The following DOCK3 variants were observed in gnomAD, a reference collection of about 807,000 sequenced individuals.
DOCK3 encodes dedicator of cytokinesis protein 3.
In DOCK3, 60 loss-of-function variants were observed where a neutral mutation model predicts 265.6. The ratio of observed to expected loss-of-function variants is 0.23; its 90% CI spans 0.18 to 0.28. The LOEUF (loss-of-function observed/expected upper bound fraction) is 0.28. Among genes scored for constraint, DOCK3 ranks in the 10% least tolerant of loss-of-function variants. The pLI is 1.00. For missense variants in DOCK3, 1,981 were observed against 2,594.3 expected, an observed-to-expected ratio of 0.76 and a Z score of 5.14; for synonymous variants, 881 against 938.0, an observed-to-expected ratio of 0.94 and a Z score of 1.11.
At chr3:50,710,686 A>G (rs1366676250) in intron 1 of DOCK3, among the ~76,000 whole-genome samples, 1 of 152,210 alleles carries the variant, frequency 6.6e-6, no homozygotes, top group Non-Finnish European at 1.5e-5. Flanking sequence ...TATGAAAAAG[A>G]TACTTGCAGA....
At chr3:51,358,213 C>T in intron 46 of DOCK3, 136 bp downstream of exon 46, 1 of 772,564 alleles carries the variant, frequency 1.3e-6, no homozygotes. Context: ...GGCTGTCCTC[C>T]CTACAGAGGG....
chr3:51,322,242 G>A (rs576083795), intron 32 of DOCK3, among the ~76,000 whole-genome samples: 20 of 152,182 alleles, frequency 1.3e-4, no homozygotes, highest in African/African-American at 4.3e-4. Context: ...TTGCTTGGTC[G>A]CCCAGGCTGG....
At chr3:50,924,305 C>T (rs191811572) in intron 4 of DOCK3, among the ~76,000 whole-genome samples, 6 of 152,226 alleles carry the variant, frequency 3.9e-5, no homozygotes, top group Admixed American at 6.5e-5. Flanking sequence ...GAATAATTGT[C>T]GCAATTTGTG....
At chr3:51,275,348 A>G (rs1266259687) in intron 25 of DOCK3, 142 bp downstream of exon 25, 2 of 1,286,852 alleles carry the variant, frequency 1.6e-6, no homozygotes, top group Admixed American at 2.0e-5. Context: ...TGCCCAAGTG[A>G]ATGGAGCCCT....
At chr3:50,864,473 T>C (rs1357963101) in intron 3 of DOCK3, among the ~76,000 whole-genome samples, 1 of 152,212 alleles carries the variant, frequency 6.6e-6, no homozygotes, top group Non-Finnish European at 1.5e-5. Flanking sequence ...TTTTTGCTTT[T>C]GTTGCCTGTG....
chr3:50,963,493 G>A (rs2076945862), intron 5 of DOCK3, among the ~76,000 whole-genome samples: 1 of 152,038 alleles, frequency 6.6e-6, no homozygotes, highest in Non-Finnish European at 1.5e-5. Flanking sequence ...ACCAAATATT[G>A]TTTATCTGAG....
intron 49 of DOCK3, among the ~76,000 whole-genome samples, chr3:51,368,317 G>A (rs139410325): frequency 0.025 from 3,875 of 152,316 alleles, 70 homozygotes; most frequent in Middle Eastern, 0.051. Flanking sequence ...AAGGGAAGCC[G>A]TGACAGATGG....
chr3:50,950,678 G>C (rs553310623), intron 5 of DOCK3, among the ~76,000 whole-genome samples: 10 of 152,170 alleles, frequency 6.6e-5, no homozygotes, highest in African/African-American at 2.2e-4. Flanking sequence ...CAGCCTTCCA[G>C]GGTTTGATAC....
chr3:50,975,351 G>A (rs2077405415), intron 5 of DOCK3, among the ~76,000 whole-genome samples: 1 of 150,906 alleles, frequency 6.6e-6, no homozygotes, highest in African/African-American at 2.4e-5. Context: ...TTAGCATGAA[G>A]GGTTGTTGAA....
At chr3:51,358,163 G>A (rs1410642854) in intron 46 of DOCK3, 86 bp downstream of exon 46, 8 of 1,389,696 alleles carry the variant, frequency 5.8e-6, no homozygotes, top group Admixed American at 1.8e-5. Context: ...AGGAAAATAG[G>A]AGAGAGGGAG....
rs76770398 is a variant in DOCK3 at position 50,822,463 on chromosome 3, T to G, written c.122-19212T>G. Among the ~76,000 whole-genome samples the G allele has an allele frequency of 6.2e-4, 94 of 152,292 alleles. 1 individual carries two copies. The East Asian group carries it at 0.011, about 18-fold the overall frequency. ...CATTGTCACAATGATATTGAGAAAT[T>G]ATACAATAAAGATTTAAGGAGATTT... On this transcript the variant is annotated intron_variant, in intron 2 of 52. Transcript: ENST00000266037.
At chr3:50,931,880 G>A (rs1295743873) in intron 4 of DOCK3, among the ~76,000 whole-genome samples, 2 of 152,210 alleles carry the variant, frequency 1.3e-5, no homozygotes, top group African/African-American at 2.4e-5. Flanking sequence ...TGTGGGAGGA[G>A]TGATGCAGGT....
Position 51,032,144 on chromosome 3 carries a change from G to GTGTGTGTA in DOCK3, c.316-32303_316-32302insGTGTGTAT, listed in dbSNP as rs2080077587. On this transcript the variant is annotated intron_variant, in intron 5 of 52. Coordinates refer to ENST00000266037, the MANE Select transcript of DOCK3 (RefSeq NM_004947.5). ...CGTGTGTGTGTGTGTGTGTGTGTGT[G>GTGTGTGTA]TATAAGTGTGCATGTTAATTCCAAG... Among the ~76,000 whole-genome samples, 7 of 151,910 alleles carry GTGTGTGTA rather than the reference G, an allele frequency of 4.6e-5. No individual in the cohort carries two copies. The South Asian group carries it at 1.5e-3, about 32-fold the overall frequency.
chr3:50,901,642 C>G (rs1255609746), intron 4 of DOCK3: 2 of 453,868 alleles, frequency 4.4e-6, no homozygotes, highest in South Asian at 3.1e-5. Flanking sequence ...ATTGCGAGGA[C>G]CATGGGAAAA....
chr3:50,804,893 T>C (rs909875017), intron 2 of DOCK3, among the ~76,000 whole-genome samples: 1 of 152,260 alleles, frequency 6.6e-6, no homozygotes, highest in African/African-American at 2.4e-5. Context: ...CTATCTTTTT[T>C]GAATTTCTTA....
At chr3:50,676,723 G>A (rs1464810015) in intron 1 of DOCK3, among the ~76,000 whole-genome samples, 2 of 148,378 alleles carry the variant, frequency 1.3e-5, no homozygotes, top group Non-Finnish European at 3.0e-5. Flanking sequence ...GGGGGTGGGG[G>A]CGTGGGGGGA....
At position 51,248,157 on chromosome 3, in the gene DOCK3, G is replaced by A. The variant is rs1211422182; in HGVS notation, c.2184+1350G>A. Among the ~76,000 whole-genome samples the A allele has an allele frequency of 2.0e-5, 3 of 152,036 alleles. No individual in the cohort carries two copies. The East Asian group carries it at 5.8e-4, about 29-fold the overall frequency. ...TTCATAGTACTTTCATTCAAGTGGG[G>A]AAACACATACAATATATGTAAAACA... On this transcript the variant is annotated intron_variant, in intron 22 of 52. Coordinates refer to ENST00000266037, the MANE Select transcript of DOCK3 (RefSeq NM_004947.5).
intron 5 of DOCK3, among the ~76,000 whole-genome samples, chr3:51,051,653 T>TC (rs1169397305): frequency 6.6e-6 from 1 of 152,180 alleles, no homozygotes; most frequent in African/African-American, 2.4e-5. Context: ...CAATACCCTT[T>TC]CCCACTGTGT....
chr3:51,067,397 A>G (rs1575951422), intron 6 of DOCK3, among the ~76,000 whole-genome samples: 1 of 147,154 alleles, frequency 6.8e-6, no homozygotes, highest in East Asian at 2.1e-4. Flanking sequence ...GGCTATTCCA[A>G]TTTCATGACT....
Sources: allele counts gnomAD v4.1 joint callset (sites outside exome capture counted in the v4.1 genomes callset), GRCh38; gene constraint gnomAD v4.1.1; transcripts MANE v1.5; gene names NCBI Gene and HGNC (gene_info 2026-07-23, HGNC 2026-07-21).